The following PHLPP1 variants were observed in gnomAD, a reference collection of about 807,000 sequenced individuals.
PHLPP1 encodes PH domain and leucine rich repeat protein phosphatase 1.
Under a neutral mutation model 117.2 loss-of-function variants are expected in PHLPP1, and 42 were observed. The ratio of observed to expected loss-of-function variants is 0.36; its 90% CI spans 0.28 to 0.46. The LOEUF (loss-of-function observed/expected upper bound fraction) is 0.46, where lower values mean the gene tolerates loss of function less well. Ranked by LOEUF, PHLPP1 falls within the 20% of genes least tolerant of loss-of-function variation. The probability of loss-of-function intolerance (pLI) is 1.00; values close to 1 mark genes in which losing one functional copy is unlikely to be tolerated. For missense variants in PHLPP1, 2,084 were observed against 2,241.9 expected, an observed-to-expected ratio of 0.93 and a Z score of 1.42; for synonymous variants, 1,042 against 970.7, an observed-to-expected ratio of 1.07 and a Z score of -1.37.
chr18:62,822,271 TTTTTTTTTGTTTTTG>T (rs1315140170), intron 1 of PHLPP1, among the ~76,000 whole-genome samples: 12 of 144,566 alleles, frequency 8.3e-5, no homozygotes, highest in Admixed American at 1.4e-4. Context: ...TAGTGTTTTT[TTTTTTTTTGTTTTTG>T]TTTTTTTTTT....
At chr18:62,871,087 ATTG>A in intron 4 of PHLPP1, among the ~76,000 whole-genome samples, 1 of 152,264 alleles carries the variant, frequency 6.6e-6, no homozygotes, top group Non-Finnish European at 1.5e-5. Context: ...TACTAAGATT[ATTG>A]TTATTTGCAA....
At chr18:62,965,845 A>G (rs1910885735) in intron 14 of PHLPP1, among the ~76,000 whole-genome samples, 1 of 151,772 alleles carries the variant, frequency 6.6e-6, no homozygotes, top group Non-Finnish European at 1.5e-5. Flanking sequence ...TTTAAAAAAA[A>G]AAAAAAGAAA....
intron 1 of PHLPP1, among the ~76,000 whole-genome samples, chr18:62,747,759 A>G (rs997328250): frequency 6.6e-5 from 10 of 151,754 alleles, no homozygotes; most frequent in African/African-American, 2.4e-4. Context: ...GGCTCAAGTG[A>G]TCCTCTCGCC....
At position 62,835,296 on chromosome 18, in the gene PHLPP1, C is replaced by T. The variant is rs533327293; in HGVS notation, c.1774-3488C>T. 6.6e-5 allele frequency among the ~76,000 whole-genome samples: 10 copies of T among 151,754 alleles called. No homozygotes were observed. In the East Asian group the frequency reaches 1.6e-3, roughly 24 times the overall value. Reference sequence around the variant, plus strand: ...TTGGTTCACTGCAACCTCTGTCTCCCGGGTTCAAGCCATTCTCCTGCCTCA... The same window carrying T: ...TTGGTTCACTGCAACCTCTGTCTCCTGGGTTCAAGCCATTCTCCTGCCTCA... On this transcript the variant is annotated intron_variant, in intron 2 of 16. Coordinates refer to ENST00000262719, the MANE Select transcript of PHLPP1 (RefSeq NM_194449.4).
At chr18:62,779,528 C>A (rs1182367885) in intron 1 of PHLPP1, 3 of 152,160 alleles carry the variant, frequency 2.0e-5, no homozygotes, top group Non-Finnish European at 4.4e-5. Flanking sequence ...ATCATCCTCA[C>A]TGAAGTAACT....
At chr18:62,905,422 A>C in intron 8 of PHLPP1, 138 bp downstream of exon 8, 1 of 421,886 alleles carries the variant, frequency 2.4e-6, no homozygotes. Context: ...TTATTCTCTA[A>C]AATTATATAT....
intron 3 of PHLPP1, among the ~76,000 whole-genome samples, chr18:62,849,832 A>ATATATATATATATCT (rs747097979): frequency 6.0e-5 from 2 of 33,084 alleles, no homozygotes; most frequent in African/African-American, 2.5e-4. Context: ...AAAAAAAAAA[A>ATATATATATATATCT]ATATATATAT....
At chr18:62,842,724 A>G (rs960508653) in intron 3 of PHLPP1, among the ~76,000 whole-genome samples, 5 of 152,196 alleles carry the variant, frequency 3.3e-5, no homozygotes, top group African/African-American at 9.6e-5. Context: ...AACCAGATAT[A>G]TATTTCAAAA....
intron 1 of PHLPP1, among the ~76,000 whole-genome samples, chr18:62,820,315 A>G (rs1275328526): frequency 6.6e-6 from 1 of 152,228 alleles, no homozygotes; most frequent in African/African-American, 2.4e-5. Context: ...AAAATATAGA[A>G]GACTTGACTA....
chr18:62,784,027 C>A (rs1913204660), intron 1 of PHLPP1, among the ~76,000 whole-genome samples: 1 of 151,032 alleles, frequency 6.6e-6, no homozygotes, highest in Non-Finnish European at 1.5e-5. Context: ...AACTCCAGAC[C>A]CAGGCTCATG....
At chr18:62,750,276 T>A (rs1911804186) in intron 1 of PHLPP1, among the ~76,000 whole-genome samples, 2 of 152,176 alleles carry the variant, frequency 1.3e-5, no homozygotes, top group South Asian at 4.1e-4. Flanking sequence ...CAGTTATGTG[T>A]TCACTGGAGA....
intron 10 of PHLPP1, among the ~76,000 whole-genome samples, chr18:62,932,850 A>G (rs1909857459): frequency 6.6e-6 from 1 of 152,204 alleles, no homozygotes; most frequent in Non-Finnish European, 1.5e-5. Context: ...ATACGATTCT[A>G]TACCTAGAAA....
intron 4 of PHLPP1, among the ~76,000 whole-genome samples, chr18:62,878,943 A>G (rs1916108840): frequency 6.6e-6 from 1 of 152,190 alleles, no homozygotes; most frequent in Non-Finnish European, 1.5e-5. Context: ...GACTTTAAGC[A>G]TTCTTTACAA....
At chr18:62,788,014 T>C (rs1052803984) in intron 1 of PHLPP1, among the ~76,000 whole-genome samples, 1 of 152,244 alleles carries the variant, frequency 6.6e-6, no homozygotes, top group African/African-American at 2.4e-5. Flanking sequence ...GGCACTGTAT[T>C]CATTCAGTAT....
chr18:62,872,855 C>T (rs35414161), intron 4 of PHLPP1, among the ~76,000 whole-genome samples: 9,370 of 150,286 alleles, frequency 0.062, 393 homozygotes, highest in Middle Eastern at 0.11. Context: ...GGTGTAGTGG[C>T]GGGTACCTGT....
At chr18:62,754,247 T>C (rs1911943715) in intron 1 of PHLPP1, among the ~76,000 whole-genome samples, 1 of 152,244 alleles carries the variant, frequency 6.6e-6, no homozygotes, top group Non-Finnish European at 1.5e-5. Flanking sequence ...ACCTGTCTTG[T>C]CAGTCTGGCA....
At chr18:62,866,486 C>T (rs1470761963) in intron 4 of PHLPP1, among the ~76,000 whole-genome samples, 2 of 152,026 alleles carry the variant, frequency 1.3e-5, no homozygotes, top group Non-Finnish European at 2.9e-5. Flanking sequence ...CTCAGGTAGT[C>T]CACCCATCTT....
intron 4 of PHLPP1, among the ~76,000 whole-genome samples, chr18:62,869,393 G>A (rs889017600): frequency 7.2e-5 from 11 of 152,298 alleles, no homozygotes; most frequent in Admixed American, 5.2e-4. Context: ...AGATATGAGT[G>A]TATAACTTGA....
rs1916768253 is a variant in PHLPP1, at chr18:62,903,179, G to A, written c.2647+13G>A. The stretch of plus-strand genomic sequence containing the variant: ...GCCTCTTCTAATGGTATGTATCATA[G>A]GCTACATCAAAGTTGCTCTTTTGGT... On this transcript the variant is annotated intron_variant, in intron 7 of 16. Coordinates refer to ENST00000262719, the MANE Select transcript of PHLPP1 (RefSeq NM_194449.4). The A allele has an allele frequency of 6.4e-7, 1 of 1,568,292 alleles. No individual in the cohort carries two copies. Among genetic ancestry groups the A allele is most frequent in the Non-Finnish European group, 8.8e-7 (1 of 1,142,170 alleles).
Sources: gnomAD v4.1 joint callset for allele counts (sites outside exome capture counted in the v4.1 genomes callset) on GRCh38, gnomAD v4.1.1 for gene constraint, MANE v1.5 for transcripts, NCBI Gene and HGNC (gene_info 2026-07-23, HGNC 2026-07-21) for gene names.